DEFB106B: variants seen among roughly 807,000 people sequenced by gnomAD.
The protein encoded by DEFB106B is beta-defensin 106.
At chr8:7,484,376 T>C (rs1219388210) in intron 1 of DEFB106B, among the ~76,000 whole-genome samples, 19 of 147,974 alleles carry the variant, frequency 1.3e-4, no homozygotes, top group African/African-American at 4.3e-4. Context: ...TATACTAGTA[T>C]ATACACTATA....
At chr8:7,483,873 G>A (rs1163809895) in intron 1 of DEFB106B, among the ~76,000 whole-genome samples, 8 of 131,886 alleles carry the variant, frequency 6.1e-5, no homozygotes, top group African/African-American at 2.1e-4. Context: ...GTATATACTG[G>A]TATAATAGTG....
At chr8:7,485,345 TC>T (rs1347637013) in intron 1 of DEFB106B, among the ~76,000 whole-genome samples, 1 of 140,914 alleles carries the variant, frequency 7.1e-6, no homozygotes, top group African/African-American at 2.6e-5. Context: ...GGGTCCTAGA[TC>T]CTCATGTTTT....
intron 1 of DEFB106B, among the ~76,000 whole-genome samples, chr8:7,484,226 T>C (rs1254270096): frequency 1.2e-4 from 16 of 135,924 alleles, no homozygotes; most frequent in African/African-American, 3.6e-4. Flanking sequence ...ATTATACTAG[T>C]ATATACACTA....
At chr8:7,484,140 GTAT>G (rs1811386864) in intron 1 of DEFB106B, among the ~76,000 whole-genome samples, 1 of 137,454 alleles carries the variant, frequency 7.3e-6, no homozygotes, top group Non-Finnish European at 1.5e-5. Context: ...ATATACTAGA[GTAT>G]TATAATAGTA....
intron 1 of DEFB106B, among the ~76,000 whole-genome samples, chr8:7,484,188 G>A (rs1479241820): frequency 7.4e-6 from 1 of 134,884 alleles, no homozygotes; most frequent in East Asian, 2.3e-4. Context: ...TATTATACTA[G>A]TATATACACT....
At chr8:7,485,115 AT>A (rs1453057769) in intron 1 of DEFB106B, among the ~76,000 whole-genome samples, 1 of 58,536 alleles carries the variant, frequency 1.7e-5, no homozygotes, top group Non-Finnish European at 3.1e-5. Context: ...TATAACAAGC[AT>A]TATGTAATTA....
At chr8:7,482,897 C>T (rs1465976037) in intron 1 of DEFB106B, 145 bp from the exon 2 acceptor site, 1 of 1,547,852 alleles carries the variant, frequency 6.5e-7, no homozygotes, top group African/African-American at 1.4e-5. Flanking sequence ...GGTAGGGGAC[C>T]TGATTTTTAT....
intron 1 of DEFB106B, among the ~76,000 whole-genome samples, chr8:7,484,320 A>G (rs1410000983): frequency 1.4e-5 from 2 of 148,078 alleles, no homozygotes; most frequent in African/African-American, 2.5e-5. Flanking sequence ...TATACTGTAT[A>G]CTAGTGTATG....
chr8:7,485,267 AG>A (rs1399691684), intron 1 of DEFB106B, among the ~76,000 whole-genome samples: 29 of 79,218 alleles, frequency 3.7e-4, no homozygotes, highest in Middle Eastern at 7.9e-3. Flanking sequence ...GATCTGAAAA[AG>A]ATACCTCTGG....
chr8:7,484,282 T>C (rs1811397627), intron 1 of DEFB106B, among the ~76,000 whole-genome samples: 1 of 142,010 alleles, frequency 7.0e-6, no homozygotes, highest in Non-Finnish European at 1.5e-5. Context: ...CTATACTATA[T>C]GCTAGAGTAT....
chr8:7,484,569 A>G (rs1811418676), intron 1 of DEFB106B, among the ~76,000 whole-genome samples: 1 of 138,826 alleles, frequency 7.2e-6, no homozygotes, highest in African/African-American at 2.8e-5. Context: ...TAGTAATAAT[A>G]TACTAGTATA....
rs1345546120 is a variant in DEFB106B, at chr8:7,485,019, C to A, written c.49+1315G>T. 1.2e-4 allele frequency among the ~76,000 whole-genome samples: 8 copies of A among 65,474 alleles called. 1 individual carries two copies. Among genetic ancestry groups the A allele is most frequent in the Non-Finnish European group, 2.2e-4 (8 of 35,890 alleles). 43.0% of individuals were successfully genotyped at this position (65,474 alleles called of 152,430 possible). On this transcript the variant is annotated intron_variant, in intron 1 of 1. Transcript: ENST00000335479. Reference sequence around the variant, plus strand: ...TGCTATACTATAATACTAAACTAAACCAAAAAGATTTTCTCTAATACTATT... The same window carrying A: ...TGCTATACTATAATACTAAACTAAAACAAAAAGATTTTCTCTAATACTATT...
chr8:7,484,143 T>G lies in DEFB106B; in HGVS notation c.50-1391A>C, dbSNP rs7004285. ...AGTATATATACTATATACTAGAGTA[T>G]TATAATAGTATATATACTATACTAT... On this transcript the variant is annotated intron_variant, in intron 1 of 1. Coordinates refer to ENST00000335479, the MANE Select transcript of DEFB106B (RefSeq NM_001040704.2). 2.7e-3 allele frequency among the ~76,000 whole-genome samples: 375 copies of G among 138,152 alleles called. 3 individuals carry two copies. Among genetic ancestry groups the G allele is most frequent in the African/African-American group, 9.7e-3 (363 of 37,334 alleles). The allele number at this position is 138,152 out of a possible 152,430, so 90.6% of individuals were successfully genotyped here.
chr8:7,484,357 C>T (rs1811403274), intron 1 of DEFB106B, among the ~76,000 whole-genome samples: 1 of 148,126 alleles, frequency 6.8e-6, no homozygotes, highest in Non-Finnish European at 1.5e-5. Context: ...ATACTATATA[C>T]TAGTGTATTA....
chr8:7,484,037 A>C (rs1405339851), intron 1 of DEFB106B, among the ~76,000 whole-genome samples: 1 of 131,518 alleles, frequency 7.6e-6, no homozygotes, highest in African/African-American at 2.9e-5. Flanking sequence ...CTAGTATATA[A>C]TACTACTAGT....
intron 1 of DEFB106B, among the ~76,000 whole-genome samples, chr8:7,484,630 T>G (rs1811421898): frequency 7.5e-6 from 1 of 132,668 alleles, no homozygotes; most frequent in Non-Finnish European, 1.6e-5. Context: ...CCCAGCACTT[T>G]GGGAGGCTGA....
intron 1 of DEFB106B, among the ~76,000 whole-genome samples, chr8:7,484,380 CACTAT>C (rs1278664831): frequency 6.8e-6 from 1 of 147,310 alleles, no homozygotes; most frequent in Non-Finnish European, 1.5e-5. Flanking sequence ...CTAGTATATA[CACTAT>C]ACTATATACT....
At chr8:7,483,106 T>G (rs1811353383) in intron 1 of DEFB106B, among the ~76,000 whole-genome samples, 1 of 117,718 alleles carries the variant, frequency 8.5e-6, no homozygotes, top group Non-Finnish European at 1.8e-5. Flanking sequence ...TAGTGCACTC[T>G]CAGAGGCTGC....
chr8:7,484,871 C>CAAA lies in DEFB106B; in HGVS notation c.49+1460_49+1462dup, dbSNP rs71537817. On this transcript the variant is annotated intron_variant, in intron 1 of 1. Transcript: ENST00000335479. ...CGGGGAACAGAGTGAGACTCTATCTCAAAAAAAAAAAAAAATATGTATATA... is the reference window on the plus strand; with the variant it reads ...CGGGGAACAGAGTGAGACTCTATCTCAAAAAAAAAAAAAAAAAATATGTATATA... 6.4e-3 allele frequency among the ~76,000 whole-genome samples: 208 copies of CAAA among 32,286 alleles called. 1 individual carries two copies. The highest frequency in any genetic ancestry group is 9.5e-3 in the Admixed American group (19 of 2,000). 21.2% of individuals were successfully genotyped at this position (32,286 alleles called of 152,430 possible). A position where few individuals can be genotyped will look rare whatever the true frequency, so the allele number is the denominator to read the frequency against.
Sources: gnomAD v4.1 joint callset for allele counts (sites outside exome capture counted in the v4.1 genomes callset) on GRCh38, gnomAD v4.1.1 for gene constraint, MANE v1.5 for transcripts, NCBI Gene and HGNC (gene_info 2026-07-23, HGNC 2026-07-21) for gene names.